Variants in TIMM9 observed in about 807,000 individuals in gnomAD.
The protein encoded by TIMM9 is mitochondrial import inner membrane translocase subunit Tim9.
In TIMM9, 10 loss-of-function variants were observed where a neutral mutation model predicts 13.4. That is an observed-to-expected ratio of 0.75 (90% CI 0.46 to 1.26). The LOEUF (loss-of-function observed/expected upper bound fraction) is 1.26. TIMM9 is among the 50% of genes most tolerant of loss of function. The probability of loss-of-function intolerance (pLI) is 0.00; values close to 1 mark genes in which losing one functional copy is unlikely to be tolerated. For synonymous variants in TIMM9, 32 were observed against 32.1 expected, an observed-to-expected ratio of 1.00 and a Z score of 0.01; for missense variants, 87 against 100.8, an observed-to-expected ratio of 0.86 and a Z score of 0.58.
chr14:58,418,546 A>T (rs1428761010), intron 3 of TIMM9, among the ~76,000 whole-genome samples: 2 of 152,230 alleles, frequency 1.3e-5, no homozygotes, highest in Admixed American at 6.5e-5. Flanking sequence ...AATTATGAAC[A>T]TGCAAAATCG....
intron 3 of TIMM9, among the ~76,000 whole-genome samples, chr14:58,414,847 G>C (rs749637904): frequency 6.6e-6 from 1 of 151,940 alleles, no homozygotes; most frequent in Non-Finnish European, 1.5e-5. Context: ...ACTCCCCAGC[G>C]AGTGTCAGTG....
In TIMM9 at chr14:58,408,744, A is replaced by G. The variant is rs2036113236; in HGVS notation, c.*290T>C. On this transcript the variant is annotated 3_prime_UTR_variant, in exon 6 of 6. Coordinates refer to ENST00000395159, the MANE Select transcript of TIMM9 (RefSeq NM_012460.4). The stretch of plus-strand genomic sequence containing the variant: ...AGTTGCTTTAAAATTAACAGTCACA[A>G]TTGAAGAAACAATGGTTTATTTTTC... 2.7e-6 allele frequency: 2 copies of G among 750,378 alleles called. No homozygotes were observed. Among genetic ancestry groups the G allele is most frequent in the South Asian group, 4.3e-5 (2 of 46,136 alleles). The allele number at this position is 750,378 out of a possible 1,614,324, so 46.5% of individuals were successfully genotyped here.
At chr14:58,411,347 C>A (rs919945896) in intron 4 of TIMM9, among the ~76,000 whole-genome samples, 1 of 151,778 alleles carries the variant, frequency 6.6e-6, no homozygotes, top group Non-Finnish European at 1.5e-5. Flanking sequence ...ACTCAGGAGG[C>A]TGAGGCAGGA....
intron 2 of TIMM9, among the ~76,000 whole-genome samples, chr14:58,425,700 A>G (rs1046957583): frequency 2.2e-4 from 33 of 152,226 alleles, no homozygotes; most frequent in African/African-American, 7.7e-4. Flanking sequence ...TAAGAGTTAA[A>G]CTATCTCCAA....
intron 3 of TIMM9, among the ~76,000 whole-genome samples, chr14:58,413,868 G>C (rs528500710): frequency 6.6e-6 from 1 of 151,756 alleles, no homozygotes; most frequent in Non-Finnish European, 1.5e-5. Flanking sequence ...TTAGCTGGGC[G>C]TGGTGGTGGG....
At chr14:58,423,839 A>G (rs2036661544) in intron 3 of TIMM9, 169 bp downstream of exon 3, 1 of 152,226 alleles carries the variant, frequency 6.6e-6, no homozygotes, top group Admixed American at 6.5e-5. Context: ...TTCTGATTAT[A>G]TCCCTGAAAC....
Position 58,427,373 on chromosome 14 carries a change from T to G in TIMM9, c.-304+19A>C, listed in dbSNP as rs149676205. On this transcript the variant is annotated intron_variant, in intron 1 of 5. Coordinates refer to ENST00000395159, the MANE Select transcript of TIMM9 (RefSeq NM_012460.4). ...ATAATGACCCGAATCTGTCGAAACTTCTTGGAAGCCTAATTTACCTAATCC... is the reference window on the plus strand; with the variant it reads ...ATAATGACCCGAATCTGTCGAAACTGCTTGGAAGCCTAATTTACCTAATCC... 9.2e-4 allele frequency: 422 copies of G among 457,618 alleles called. 2 individuals carry two copies. The East Asian group carries it at 0.011, about 12-fold the overall frequency. 28.3% of individuals were successfully genotyped at this position (457,618 alleles called of 1,614,324 possible).
chr14:58,418,188 TA>T (rs2036475466), intron 3 of TIMM9, among the ~76,000 whole-genome samples: 1 of 152,208 alleles, frequency 6.6e-6, no homozygotes, highest in Non-Finnish European at 1.5e-5. Context: ...TTAATCCGTT[TA>T]AGTCCACATA....
chr14:58,414,012 A>AAAAG (rs1417376846), intron 3 of TIMM9, among the ~76,000 whole-genome samples: 2 of 140,732 alleles, frequency 1.4e-5, no homozygotes, highest in Non-Finnish European at 3.1e-5. Flanking sequence ...GTCTCAGAAA[A>AAAAG]AAAAAAAAAA....
chr14:58,426,582 C>G (rs544534951), intron 2 of TIMM9, among the ~76,000 whole-genome samples: 35 of 152,184 alleles, frequency 2.3e-4, no homozygotes, highest in Non-Finnish European at 3.7e-4. Context: ...AGTTATTTAG[C>G]TTTTAGATCG....
intron 2 of TIMM9, among the ~76,000 whole-genome samples, chr14:58,426,742 C>G (rs946799376): frequency 6.6e-6 from 1 of 152,186 alleles, no homozygotes; most frequent in African/African-American, 2.4e-5. Context: ...AAAGGAGGAT[C>G]TTCCCCCGGG....
intron 5 of TIMM9, among the ~76,000 whole-genome samples, chr14:58,410,355 T>C (rs903976371): frequency 6.6e-6 from 1 of 151,992 alleles, no homozygotes; most frequent in Middle Eastern, 3.2e-3. Flanking sequence ...GAGTTCAAAG[T>C]TACAGTGAGC....
At chr14:58,414,976 C>T (rs10147224) in intron 3 of TIMM9, among the ~76,000 whole-genome samples, 130,357 of 151,952 alleles carry the variant, frequency 0.86, 57,007 homozygotes, top group East Asian at 0.99. Context: ...TGCATTACTG[C>T]CTCATGACAA....
At chr14:58,421,155 A>G (rs764216784) in intron 3 of TIMM9, among the ~76,000 whole-genome samples, 1 of 152,262 alleles carries the variant, frequency 6.6e-6, no homozygotes, top group Non-Finnish European at 1.5e-5. Context: ...TGGTACATCT[A>G]TACCTGTAAT....
At chr14:58,425,601 T>A (rs1429913393) in intron 2 of TIMM9, among the ~76,000 whole-genome samples, 1 of 151,332 alleles carries the variant, frequency 6.6e-6, no homozygotes, top group Non-Finnish European at 1.5e-5. Context: ...AGCTGTAAGA[T>A]CCAAATTAAG....
At chr14:58,411,250 C>T (rs1433361647) in intron 4 of TIMM9, among the ~76,000 whole-genome samples, 1 of 151,932 alleles carries the variant, frequency 6.6e-6, no homozygotes, top group Non-Finnish European at 1.5e-5. Flanking sequence ...GAGTTCGAGA[C>T]CAGCCTGGCC....
At chr14:58,410,124 T>C (rs1844730584) in intron 5 of TIMM9, among the ~76,000 whole-genome samples, 2 of 152,166 alleles carry the variant, frequency 1.3e-5, no homozygotes, top group South Asian at 4.2e-4. Context: ...CAGGCTAGAG[T>C]GCAGTGGTGC....
intron 4 of TIMM9, 71 bp downstream of exon 4, chr14:58,411,836 C>G: frequency 7.0e-7 from 1 of 1,438,050 alleles, no homozygotes; most frequent in South Asian, 1.1e-5. Context: ...TGCACCCAGC[C>G]TGACATGGTG....
chr14:58,417,523 G>A (rs1212027638), intron 3 of TIMM9, among the ~76,000 whole-genome samples: 1 of 120,150 alleles, frequency 8.3e-6, no homozygotes, highest in Non-Finnish European at 1.8e-5. Flanking sequence ...AAAAAAGGAA[G>A]TGGAGGTAAG....
Sources: allele counts gnomAD v4.1 joint callset (sites outside exome capture counted in the v4.1 genomes callset), GRCh38; gene constraint gnomAD v4.1.1; transcripts MANE v1.5; gene names NCBI Gene and HGNC (gene_info 2026-07-23, HGNC 2026-07-21).